The following LRRTM4 variants were observed in gnomAD, a reference collection of about 807,000 sequenced individuals.
LRRTM4 encodes the protein leucine rich repeat transmembrane neuronal 4, also known as leucine-rich repeat transmembrane neuronal protein 4.
Under a neutral mutation model 47.6 loss-of-function variants are expected in LRRTM4, and 25 were observed. The ratio of observed to expected loss-of-function variants is 0.53; its 90% confidence interval spans 0.38 to 0.73. The LOEUF is 0.73. Ranked by LOEUF, LRRTM4 falls within the 30% of genes least tolerant of loss-of-function variation. LRRTM4 has a pLI of 0.00. For missense variants in LRRTM4, 638 were observed against 713.4 expected, an observed-to-expected ratio of 0.89 and a Z score of 1.20; for synonymous variants, 311 against 269.5, an observed-to-expected ratio of 1.15 and a Z score of -1.51.
chr2:76,949,260 G>T (rs80278730), intron 3 of LRRTM4, among the ~76,000 whole-genome samples: 7,931 of 151,916 alleles, frequency 0.052, 479 homozygotes, highest in East Asian at 0.14. Context: ...TCAAATAAAT[G>T]AATAGTTATC....
At chr2:76,997,343 T>C (rs920198346) in intron 3 of LRRTM4, among the ~76,000 whole-genome samples, 4 of 110,586 alleles carry the variant, frequency 3.6e-5, no homozygotes, top group Non-Finnish European at 7.1e-5. Context: ...TATAAATGCT[T>C]TATTTCTCAC....
At chr2:77,320,748 A>T (rs1037334220) in intron 3 of LRRTM4, among the ~76,000 whole-genome samples, 5 of 152,118 alleles carry the variant, frequency 3.3e-5, no homozygotes, top group African/African-American at 1.2e-4. Context: ...TTTATTATTT[A>T]AAAATATTAA....
intron 3 of LRRTM4, among the ~76,000 whole-genome samples, chr2:76,873,506 G>GTATATATATATATATATATATATATATA (rs58469429): frequency 4.5e-5 from 5 of 112,310 alleles, no homozygotes; most frequent in African/African-American, 1.6e-4. Flanking sequence ...ATATATGTGT[G>GTATATATATATATATATATATATATATA]TATATATATA....
chr2:77,055,384 T>C lies in LRRTM4; in HGVS notation c.1552-306468A>G, dbSNP rs574488589. Among the ~76,000 whole-genome samples, 13 of 152,272 alleles carry C rather than the reference T, an allele frequency of 8.5e-5. No homozygotes were observed. The South Asian group carries it at 2.7e-3, about 32-fold the overall frequency. On this transcript the variant is annotated intron_variant, in intron 3 of 3. Coordinates refer to ENST00000409884, the MANE Select transcript of LRRTM4 (RefSeq NM_001134745.3). ...GTTTAAACAGCTAACATGAAGGACA[T>C]GAACAGACACTTCTCAAAAGAAGAC...
intron 3 of LRRTM4, among the ~76,000 whole-genome samples, chr2:76,907,465 T>G (rs1450709202): frequency 5.5e-5 from 8 of 145,978 alleles, no homozygotes; most frequent in South Asian, 2.2e-4. Flanking sequence ...ATTCAAAAGC[T>G]AGCAGAAGGC....
chr2:77,139,074 A>G (rs1672037377), intron 3 of LRRTM4, among the ~76,000 whole-genome samples: 1 of 152,326 alleles, frequency 6.6e-6, no homozygotes, highest in Non-Finnish European at 1.5e-5. Flanking sequence ...TTTCTTCTGA[A>G]ACTATTCCAA....
chr2:77,000,736 C>T (rs150636556), intron 3 of LRRTM4, among the ~76,000 whole-genome samples: 1 of 152,250 alleles, frequency 6.6e-6, no homozygotes, highest in Non-Finnish European at 1.5e-5. Context: ...TTATTTTTGT[C>T]ATTCCTACAT....
At chr2:77,276,556 A>G (rs1676361290) in intron 3 of LRRTM4, among the ~76,000 whole-genome samples, 1 of 150,400 alleles carries the variant, frequency 6.6e-6, no homozygotes, top group African/African-American at 2.4e-5. Flanking sequence ...TCCAACTCCA[A>G]TGCATTTATT....
intron 3 of LRRTM4, among the ~76,000 whole-genome samples, chr2:77,465,545 A>G (rs1676950960): frequency 6.6e-6 from 1 of 152,140 alleles, no homozygotes; most frequent in Admixed American, 6.6e-5. Context: ...TCTTTAATCC[A>G]TAAGGGGTTG....
intron 3 of LRRTM4, among the ~76,000 whole-genome samples, chr2:77,024,680 C>CA (rs1380951573): frequency 6.6e-6 from 1 of 152,034 alleles, no homozygotes; most frequent in African/African-American, 2.4e-5. Flanking sequence ...ACTCACTTAA[C>CA]ACTTTTCCAG....
At chr2:77,117,628 CATTT>C (rs1046926228) in intron 3 of LRRTM4, among the ~76,000 whole-genome samples, 12 of 151,844 alleles carry the variant, frequency 7.9e-5, no homozygotes, top group African/African-American at 2.7e-4. Flanking sequence ...GTCAAATAAA[CATTT>C]ATTTATGCAC....
chr2:76,931,512 G>A (rs1488893367), intron 3 of LRRTM4, among the ~76,000 whole-genome samples: 1 of 152,012 alleles, frequency 6.6e-6, no homozygotes, highest in Non-Finnish European at 1.5e-5. Flanking sequence ...TGCCCGTAAT[G>A]TGCCTGGATA....
chr2:77,495,702 G>A (rs1678337977), intron 3 of LRRTM4, among the ~76,000 whole-genome samples: 1 of 151,842 alleles, frequency 6.6e-6, no homozygotes, highest in Non-Finnish European at 1.5e-5. Context: ...TATATGTGTG[G>A]GTTATTTTTG....
intron 3 of LRRTM4, among the ~76,000 whole-genome samples, chr2:76,984,316 T>C (rs1465556459): frequency 6.6e-6 from 1 of 151,984 alleles, no homozygotes. Context: ...AATTTAGAAA[T>C]GTTTCAATAT....
chr2:77,498,361 A>C (rs979756473), intron 3 of LRRTM4, among the ~76,000 whole-genome samples: 1 of 151,678 alleles, frequency 6.6e-6, no homozygotes, highest in African/African-American at 2.4e-5. Context: ...CCAGACTCCA[A>C]ATTTTTTCCC....
At chr2:76,772,278 C>T (rs1400641962) in intron 3 of LRRTM4, among the ~76,000 whole-genome samples, 5 of 152,186 alleles carry the variant, frequency 3.3e-5, no homozygotes, top group Non-Finnish European at 5.9e-5. Context: ...GCCACCATTT[C>T]GATCTTGAAC....
At chr2:77,506,323 AG>A (rs1311671615) in intron 3 of LRRTM4, among the ~76,000 whole-genome samples, 2 of 151,730 alleles carry the variant, frequency 1.3e-5, no homozygotes, top group Non-Finnish European at 1.5e-5. Context: ...AAACCTATAG[AG>A]GAAATGATTA....
At chr2:77,120,844 C>G (rs894495278) in intron 3 of LRRTM4, among the ~76,000 whole-genome samples, 2 of 151,770 alleles carry the variant, frequency 1.3e-5, no homozygotes, top group Non-Finnish European at 3.0e-5. Context: ...TGGAGGAGAG[C>G]CTTTTTCTAC....
intron 3 of LRRTM4, among the ~76,000 whole-genome samples, chr2:77,056,538 A>G (rs1402808250): frequency 6.6e-6 from 1 of 152,128 alleles, no homozygotes; most frequent in Non-Finnish European, 1.5e-5. Flanking sequence ...TAAAAGGATA[A>G]AGAGATGAAA....
Sources: gnomAD v4.1 joint callset for allele counts (sites outside exome capture counted in the v4.1 genomes callset) on GRCh38, gnomAD v4.1.1 for gene constraint, MANE v1.5 for transcripts, NCBI Gene and HGNC (gene_info 2026-07-23, HGNC 2026-07-21) for gene names.